Variants in ARMH3 observed in about 807,000 individuals in gnomAD.
ARMH3 encodes the protein armadillo-like helical domain-containing protein 3.
In ARMH3, 60 loss-of-function variants were observed where a neutral mutation model predicts 99.1. The ratio of observed to expected loss-of-function variants is 0.61; its 90% CI spans 0.49 to 0.75. The LOEUF is 0.75. Among genes scored for constraint, ARMH3 ranks in the 30% least tolerant of loss-of-function variants. The pLI is 0.00. For missense variants in ARMH3, 679 were observed against 843.1 expected (o/e 0.81, Z 2.41); for synonymous variants, 285 against 292.8 (o/e 0.97, Z 0.27).
chr10:101,949,722 T>C (rs937010927), intron 22 of ARMH3, among the ~76,000 whole-genome samples: 1 of 152,150 alleles, frequency 6.6e-6, no homozygotes, highest in Non-Finnish European at 1.5e-5. Context: ...ATTCATATTA[T>C]GAGGCCAAAA....
At chr10:101,955,908 T>C (rs945778487) in intron 22 of ARMH3, among the ~76,000 whole-genome samples, 2 of 152,224 alleles carry the variant, frequency 1.3e-5, no homozygotes, top group Admixed American at 6.5e-5. Context: ...GCAGTTTATA[T>C]GTCAATTATA....
intron 19 of ARMH3, among the ~76,000 whole-genome samples, chr10:101,985,250 GTATA>G (rs773632171): frequency 3.4e-5 from 5 of 146,522 alleles, no homozygotes; most frequent in Non-Finnish European, 1.5e-5. Flanking sequence ...ATATACGTGT[GTATA>G]TATATGTGTA....
Position 102,023,583 on chromosome 10 carries a change from T to G in ARMH3, c.583-20A>C. ...AAGTATCTGTAACAAGAACCAAAAA[T>G]GCATGAGACTGCTAACTCCTGGTTC... On this transcript the variant is annotated intron_variant, in intron 7 of 25. Transcript: ENST00000370033. 6.2e-7 allele frequency: 1 copy of G among 1,611,674 alleles called. No homozygotes were observed. The highest frequency in any genetic ancestry group is 8.5e-7 in the Non-Finnish European group (1 of 1,177,990).
In ARMH3 at chr10:101,889,504, T is replaced by A. The variant is rs376975760; in HGVS notation, c.1782-14A>T. 56 of 1,598,532 alleles carry A rather than the reference T, an allele frequency of 3.5e-5. No individual in the cohort carries two copies. The Admixed American group carries it at 8.8e-4, about 25-fold the overall frequency. ...TTGATGATGGCTCTGAAACAAAGAA[T>A]TCGTATTAATATGGTGCCAGATAGA... On this transcript the variant is annotated splice_polypyrimidine_tract_variant and intron_variant, in intron 23 of 25. Transcript: ENST00000370033.
chr10:101,998,591 C>T (rs1847165040), intron 15 of ARMH3, among the ~76,000 whole-genome samples: 5 of 152,238 alleles, frequency 3.3e-5, no homozygotes, highest in Admixed American at 3.3e-4. Context: ...TCTGCCCACC[C>T]AGGCTCCTTT....
At chr10:102,053,214 T>TAAA (rs1191838493) in intron 1 of ARMH3, among the ~76,000 whole-genome samples, 1,161 of 48,938 alleles carry the variant, frequency 0.024, 16 homozygotes, top group African/African-American at 0.037. Context: ...CCTCAGAAGC[T>TAAA]AAAAAAAAAA....
chr10:101,997,420 C>T (rs879852124), intron 15 of ARMH3, among the ~76,000 whole-genome samples: 1 of 151,950 alleles, frequency 6.6e-6, no homozygotes, highest in Non-Finnish European at 1.5e-5. Context: ...GGTGAAACCC[C>T]ATCTCTACTA....
intron 24 of ARMH3, 92 bp from the exon 25 acceptor site, chr10:101,849,984 C>G: frequency 9.3e-7 from 1 of 1,076,132 alleles, no homozygotes; most frequent in Non-Finnish European, 1.4e-6. Context: ...TGGGTTTGGT[C>G]TGTGACAACA....
chr10:102,036,035 G>A (rs2067249925), intron 2 of ARMH3, among the ~76,000 whole-genome samples: 2 of 151,930 alleles, frequency 1.3e-5, no homozygotes, highest in South Asian at 2.1e-4. Flanking sequence ...ACTGGGAGGT[G>A]GGGAGCGTCT....
intron 24 of ARMH3, among the ~76,000 whole-genome samples, chr10:101,875,314 T>C (rs956249611): frequency 2.6e-5 from 4 of 151,962 alleles, no homozygotes; most frequent in Non-Finnish European, 5.9e-5. Context: ...TGAGCATCCC[T>C]CCCTCCACTG....
At chr10:101,865,643 C>T (rs1358172943) in intron 24 of ARMH3, among the ~76,000 whole-genome samples, 2 of 152,016 alleles carry the variant, frequency 1.3e-5, no homozygotes, top group Non-Finnish European at 2.9e-5. Context: ...CATGAACCAC[C>T]ACTCCAGGCT....
At chr10:101,848,173 T>C (rs1278209689) in intron 25 of ARMH3, among the ~76,000 whole-genome samples, 1 of 152,170 alleles carries the variant, frequency 6.6e-6, no homozygotes, top group African/African-American at 2.4e-5. Context: ...CCAGGTGACA[T>C]TGCTAGTGAG....
chr10:102,024,422 G>A (rs1204177943), intron 6 of ARMH3, among the ~76,000 whole-genome samples: 1 of 151,612 alleles, frequency 6.6e-6, no homozygotes, highest in Non-Finnish European at 1.5e-5. Flanking sequence ...GCACTCTCCA[G>A]CCTAGGCGAC....
At position 101,846,786 on chromosome 10, in the gene ARMH3, C is replaced by T. The variant is rs11191129; in HGVS notation, c.*742G>A. 0.45 allele frequency: 67,958 copies of T among 152,012 alleles called. 15,470 individuals carry two copies. The highest frequency in any genetic ancestry group is 0.55 in the South Asian group (2,637 of 4,804). 9.4% of individuals were successfully genotyped at this position (152,012 alleles called of 1,614,324 possible). A position where few individuals can be genotyped will look rare whatever the true frequency, so the allele number is the denominator to read the frequency against. On this transcript the variant is annotated 3_prime_UTR_variant, in exon 26 of 26. Coordinates refer to ENST00000370033, the MANE Select transcript of ARMH3 (RefSeq NM_024541.3). Reference sequence around the variant, plus strand: ...ACCATCCTGGGTAACATGGTGAAACCCCATCTCTACTAAAAATACAAAAAA... The same window carrying T: ...ACCATCCTGGGTAACATGGTGAAACTCCATCTCTACTAAAAATACAAAAAA...
At chr10:101,966,049 G>A (rs905958407) in intron 20 of ARMH3, among the ~76,000 whole-genome samples, 3 of 151,254 alleles carry the variant, frequency 2.0e-5, no homozygotes, top group South Asian at 2.1e-4. Flanking sequence ...TAAGTCCCAC[G>A]TGAATTCCTA....
At chr10:101,937,148 TA>T (rs1317209523) in intron 23 of ARMH3, among the ~76,000 whole-genome samples, 10 of 152,216 alleles carry the variant, frequency 6.6e-5, no homozygotes, top group African/African-American at 1.9e-4. Context: ...CCCTCCATGT[TA>T]AGTCTTCAAT....
chr10:101,851,176 G>A (rs577921918), intron 24 of ARMH3, among the ~76,000 whole-genome samples: 10 of 152,228 alleles, frequency 6.6e-5, no homozygotes, highest in Middle Eastern at 3.4e-3. Flanking sequence ...TTTTCTATGC[G>A]GGGAGGATTC....
chr10:101,969,852 T>C (rs985242916), intron 20 of ARMH3, among the ~76,000 whole-genome samples: 8 of 152,200 alleles, frequency 5.3e-5, no homozygotes, highest in Non-Finnish European at 8.8e-5. Flanking sequence ...CCATGATCCT[T>C]AGCAAGTCAC....
chr10:101,915,653 T>A (rs7912503), intron 23 of ARMH3, among the ~76,000 whole-genome samples: 35,730 of 151,988 alleles, frequency 0.24, 4,462 homozygotes, highest in East Asian at 0.52. Flanking sequence ...GGTTCACCTA[T>A]CCCTGGGTCC....
Sources: gnomAD v4.1 joint callset for allele counts (sites outside exome capture counted in the v4.1 genomes callset) on GRCh38, gnomAD v4.1.1 for gene constraint, MANE v1.5 for transcripts, NCBI Gene and HGNC (gene_info 2026-07-23, HGNC 2026-07-21) for gene names.